MTMR8: variants seen among roughly 807,000 people sequenced by gnomAD.
MTMR8 encodes the protein myotubularin related protein 8.
Under a neutral mutation model 39.3 loss-of-function variants are expected in MTMR8, and 65 were observed. The observed-to-expected ratio is 1.65, with a 90% CI of 1.35 to 2.03. MTMR8 has a LOEUF of 2.03. MTMR8 is among the 30% of genes most tolerant of loss of function. The pLI is 0.00. For synonymous variants in MTMR8, 245 were observed against 185.2 expected (o/e 1.32, Z -2.62); for missense variants, 777 against 538.9 (o/e 1.44, Z -4.37).
At chrX:64,386,255 G>A (rs963930236) in intron 1 of MTMR8, among the ~76,000 whole-genome samples, 3 of 111,881 alleles carry the variant, frequency 2.7e-5, no homozygotes, top group African/African-American at 9.8e-5. Context: ...TCATGAATTA[G>A]ATCTATAACT....
chrX:64,304,371 C>T (rs1341656727), intron 12 of MTMR8, among the ~76,000 whole-genome samples: 1 of 111,751 alleles, frequency 8.9e-6, no homozygotes, highest in Non-Finnish European at 1.9e-5. Context: ...GCACCACTAC[C>T]ACACTCCTGT....
chrX:64,268,837 A>T lies in MTMR8; in HGVS notation c.1815T>A (p.Gly605=), dbSNP rs1302550197. The T allele has an allele frequency of 1.1e-5, 13 of 1,209,502 alleles. No individual in the cohort carries two copies. Among genetic ancestry groups the T allele is most frequent in the Non-Finnish European group, 1.3e-5 (12 of 895,168 alleles). Residue 605 remains glycine, a synonymous_variant, in exon 14 of 14, where the codon GGT becomes GGA. Transcript: ENST00000374852. The stretch of plus-strand genomic sequence containing the variant: ...CACAACAGTTATGGTGGAGGTCTGC[A>T]CCCTGGCTTTTTACTTGATCCATCT... ...RAQMDQVKSQ[G]ADLHHNCCEI...
At chrX:64,394,682 G>A (rs932867935) in intron 1 of MTMR8, among the ~76,000 whole-genome samples, 4 of 112,002 alleles carry the variant, frequency 3.6e-5, no homozygotes, top group African/African-American at 1.3e-4. Flanking sequence ...ACTCTAACTC[G>A]GGACTGGCTA....
At chrX:64,304,860 TTATATATATATATATA>T (rs751399962) in intron 12 of MTMR8, among the ~76,000 whole-genome samples, 7,375 of 28,507 alleles carry the variant, frequency 0.26, 686 homozygotes, top group Non-Finnish European at 0.3. Flanking sequence ...GATCAAACAT[TTATATATATATATATA>T]TATATATATA....
At chrX:64,270,225 C>G (rs1931729261) in intron 13 of MTMR8, among the ~76,000 whole-genome samples, 1 of 111,697 alleles carries the variant, frequency 9.0e-6, no homozygotes, top group South Asian at 3.9e-4. Flanking sequence ...AGTTTGGGAT[C>G]TGATGTAATC....
chrX:64,272,769 G>T (rs1462896598), intron 12 of MTMR8, among the ~76,000 whole-genome samples: 3 of 111,426 alleles, frequency 2.7e-5, no homozygotes, highest in Admixed American at 1.9e-4. Context: ...AATTTTGAAA[G>T]CAGTAAGATA....
chrX:64,387,168 A>G (rs1924581843), intron 1 of MTMR8, among the ~76,000 whole-genome samples: 1 of 112,001 alleles, frequency 8.9e-6, no homozygotes, highest in South Asian at 3.7e-4. Context: ...CACACTCAGG[A>G]AAAGAAGTCA....
At chrX:64,356,684 A>G (rs1923634211) in intron 2 of MTMR8, among the ~76,000 whole-genome samples, 1 of 111,360 alleles carries the variant, frequency 9.0e-6, no homozygotes, top group Non-Finnish European at 1.9e-5. Context: ...ACAGAGGAAA[A>G]CAGGAATTTT....
At chrX:64,290,877 G>A (rs187654992) in intron 12 of MTMR8, among the ~76,000 whole-genome samples, 2 of 111,837 alleles carry the variant, frequency 1.8e-5, no homozygotes, top group Admixed American at 1.9e-4. Flanking sequence ...CATCTGGGTT[G>A]TTTTCAGTTT....
intron 13 of MTMR8, among the ~76,000 whole-genome samples, chrX:64,269,777 T>G (rs1001938305): frequency 9.0e-6 from 1 of 111,327 alleles, no homozygotes; most frequent in Non-Finnish European, 1.9e-5. Flanking sequence ...ACTTAACACT[T>G]ATATTGCCTT....
At chrX:64,292,233 A>C (rs1470096694) in intron 12 of MTMR8, among the ~76,000 whole-genome samples, 1 of 112,017 alleles carries the variant, frequency 8.9e-6, no homozygotes, top group Non-Finnish European at 1.9e-5. Context: ...TGCTATCATG[A>C]CAATTATGCT....
chrX:64,327,729 C>T (rs1922835794), intron 12 of MTMR8, among the ~76,000 whole-genome samples: 1 of 112,152 alleles, frequency 8.9e-6, no homozygotes. Flanking sequence ...TATGTGCACT[C>T]CCATGTTTAT....
At chrX:64,343,410 G>T (rs1923266375) in intron 8 of MTMR8, among the ~76,000 whole-genome samples, 1 of 111,668 alleles carries the variant, frequency 9.0e-6, no homozygotes, top group African/African-American at 3.3e-5. Flanking sequence ...TTAGATTATA[G>T]TTCAACCACC....
chrX:64,287,706 G>A (rs1398360003), intron 12 of MTMR8, among the ~76,000 whole-genome samples: 1 of 109,340 alleles, frequency 9.1e-6, no homozygotes, highest in African/African-American at 3.3e-5. Context: ...ACAAAAACAA[G>A]CAATGGGGAA....
intron 1 of MTMR8, among the ~76,000 whole-genome samples, chrX:64,363,826 T>A (rs1439816200): frequency 1.8e-5 from 2 of 111,566 alleles, no homozygotes; most frequent in Non-Finnish European, 3.8e-5. Context: ...GAGATTTCCA[T>A]TTCCTAGCCA....
At position 64,354,951 on chromosome X, in the gene MTMR8, G is replaced by A. The variant is rs1923586077; in HGVS notation, c.311-17C>T. On this transcript the variant is annotated splice_polypyrimidine_tract_variant and intron_variant, in intron 3 of 13. Transcript: ENST00000374852. ...CAGGTAATGCTGGAGAAGAGAGATA[G>A]GCATGGAAAACAAAATGATGAATGA... The A allele has an allele frequency of 2.6e-6, 3 of 1,149,599 alleles. No homozygotes were observed. Among genetic ancestry groups the A allele is most frequent in the African/African-American group, 3.6e-5 (2 of 55,263 alleles). 94.7% of individuals were successfully genotyped at this position (1,149,599 alleles called of 1,213,427 possible). A position where few individuals can be genotyped will look rare whatever the true frequency, so the allele number is the denominator to read the frequency against.
intron 12 of MTMR8, among the ~76,000 whole-genome samples, chrX:64,295,669 A>C (rs768265099): frequency 2.3e-4 from 26 of 112,113 alleles, no homozygotes; most frequent in Non-Finnish European, 2.8e-4. Context: ...TATTTCTCCA[A>C]AGAAGATATA....
chrX:64,345,372 T>A (rs765414617), intron 6 of MTMR8, among the ~76,000 whole-genome samples, 195 bp from the exon 7 acceptor site: 1 of 111,883 alleles, frequency 8.9e-6, no homozygotes, highest in East Asian at 2.8e-4. Flanking sequence ...CAGACTCATA[T>A]AGGGGAAAAA....
At chrX:64,368,871 G>T (rs1924050842) in intron 1 of MTMR8, among the ~76,000 whole-genome samples, 3 of 112,030 alleles carry the variant, frequency 2.7e-5, no homozygotes, top group Non-Finnish European at 3.8e-5. Context: ...CTGACAAAGG[G>T]CTAATATCCA....
Sources: gnomAD v4.1 joint callset for allele counts (sites outside exome capture counted in the v4.1 genomes callset) on GRCh38, gnomAD v4.1.1 for gene constraint, MANE v1.5 for transcripts, NCBI Gene and HGNC (gene_info 2026-07-23, HGNC 2026-07-21) for gene names.